The following SPON2 variants were observed in gnomAD, a reference collection of about 807,000 sequenced individuals.
SPON2 encodes the protein spondin-2.
SPON2 carries 32 observed loss-of-function variants against 29.9 expected under a neutral mutation model. The observed-to-expected ratio is 1.07, with a 90% CI of 0.81 to 1.44. SPON2 has a LOEUF of 1.44. SPON2 is among the 40% of genes most tolerant of loss of function. The pLI, the probability that SPON2 is intolerant of heterozygous loss-of-function variation, is 0.00. For synonymous variants in SPON2, 248 were observed against 209.1 expected (o/e 1.19, Z -1.61); for missense variants, 541 against 455.5 (o/e 1.19, Z -1.71).
chr4:1,188,198 GTC>G lies in SPON2; in HGVS notation c.-239+6790_-239+6791del, dbSNP rs201828894. On this transcript the variant is annotated intron_variant, in intron 1 of 3. Transcript: ENST00000502483. ...TGCCTGGGCAACAGAGCAAGACTCCGTCTCAAAAAAAAAAAAAAAAAAAAAAA... is the reference window on the plus strand; with the variant it reads ...TGCCTGGGCAACAGAGCAAGACTCCGTCAAAAAAAAAAAAAAAAAAAAAAA... Among the ~76,000 whole-genome samples the G allele has an allele frequency of 3.1e-3, 311 of 99,120 alleles. 2 individuals are homozygous for G. Among genetic ancestry groups the G allele is most frequent in the Non-Finnish European group, 4.6e-3 (250 of 54,888 alleles). 65.0% of individuals were successfully genotyped at this position (99,120 alleles called of 152,430 possible). A position where few individuals can be genotyped will look rare whatever the true frequency, so the allele number is the denominator to read the frequency against.
Position 1,171,296 on chromosome 4 carries a change from C to G in SPON2, c.411G>C (p.Ser137=). The G allele has an allele frequency of 6.3e-7, 1 of 1,584,542 alleles. No individual in the cohort carries two copies. Among genetic ancestry groups the G allele is most frequent in the Non-Finnish European group, 8.5e-7 (1 of 1,171,088 alleles). ...GCCTGCGCTGCACCTCCAGCTCCGC[C>G]GACGTCTGCCCGGTGCCGCTGGGGA... ...PAVPSGTGQT[S]AELEVQRRHS... Residue 137 remains serine, a synonymous_variant, in exon 3 of 6, where the codon TCG becomes TCC. Transcript: ENST00000290902.
upstream of SPON2, among the ~76,000 whole-genome samples, chr4:1,176,067 T>G (rs1160565064): frequency 1.3e-5 from 2 of 152,062 alleles, no homozygotes; most frequent in Middle Eastern, 3.2e-3. Flanking sequence ...ATTTTCTGGA[T>G]CCTGTGGCCC....
chr4:1,196,105 G>C (rs1311515263), upstream of SPON2, among the ~76,000 whole-genome samples: 2 of 152,166 alleles, frequency 1.3e-5, no homozygotes, highest in African/African-American at 4.8e-5. Flanking sequence ...CCCCCGACAG[G>C]CCCTCTGCCT....
At chr4:1,168,265 C>G (rs999763189) in intron 5 of SPON2, 10 of 152,278 alleles carry the variant, frequency 6.6e-5, no homozygotes, top group African/African-American at 2.4e-4. Context: ...CCAAGCCAGC[C>G]AGATGGACAG....
At chr4:1,169,338 G>A (rs1727346003) in intron 5 of SPON2, among the ~76,000 whole-genome samples, 1 of 152,080 alleles carries the variant, frequency 6.6e-6, no homozygotes, top group East Asian at 1.9e-4. Context: ...GGGCATCCGC[G>A]TGGACAAATG....
chr4:1,175,470 C>A (rs1233301714), upstream of SPON2, among the ~76,000 whole-genome samples: 2 of 152,174 alleles, frequency 1.3e-5, no homozygotes, highest in African/African-American at 4.8e-5. Flanking sequence ...GGCGGTGGGC[C>A]CAGGCTGGGG....
intron 1 of SPON2, among the ~76,000 whole-genome samples, chr4:1,193,124 C>G (rs1032731243): frequency 1.3e-5 from 2 of 152,238 alleles, no homozygotes; most frequent in Non-Finnish European, 2.9e-5. Flanking sequence ...ACGCCTCACA[C>G]ATGGGTGCAC....
intron 1 of SPON2, among the ~76,000 whole-genome samples, chr4:1,203,931 C>T (rs150907254): frequency 0.022 from 3,381 of 152,174 alleles, 116 homozygotes; most frequent in African/African-American, 0.078. Flanking sequence ...AGTGCAGTGG[C>T]GCGATCTCAG....
chr4:1,207,033 G>C (rs2108685780), intron 1 of SPON2, among the ~76,000 whole-genome samples: 1 of 151,554 alleles, frequency 6.6e-6, no homozygotes, highest in Middle Eastern at 3.4e-3. Context: ...GTGTGAGCAG[G>C]TGCAGGGCGG....
chr4:1,189,378 C>G (rs185078370), intron 1 of SPON2, among the ~76,000 whole-genome samples: 1 of 151,680 alleles, frequency 6.6e-6, no homozygotes, highest in African/African-American at 2.4e-5. Context: ...TAAAACAGAC[C>G]GGGTATGGTG....
intron 1 of SPON2, among the ~76,000 whole-genome samples, chr4:1,184,922 G>A (rs1727764072): frequency 1.5e-5 from 2 of 134,610 alleles, no homozygotes; most frequent in African/African-American, 5.3e-5. Context: ...GGGCGACAGT[G>A]CAAGACTCTG....
intron 1 of SPON2, among the ~76,000 whole-genome samples, chr4:1,200,488 CG>C (rs527618556): frequency 1.3e-5 from 2 of 151,762 alleles, no homozygotes; most frequent in African/African-American, 2.4e-5. Flanking sequence ...GGAGGCTCAG[CG>C]GGGGCGGGGG....
upstream of SPON2, among the ~76,000 whole-genome samples, chr4:1,175,779 G>A (rs536838695): frequency 3.5e-4 from 54 of 152,184 alleles, no homozygotes; most frequent in African/African-American, 1.3e-3. Flanking sequence ...GTAGGGCAGT[G>A]GTGGGCCTAG....
At chr4:1,170,923 G>C in intron 4 of SPON2, 76 bp downstream of exon 4, 1 of 1,518,954 alleles carries the variant, frequency 6.6e-7, no homozygotes, top group Non-Finnish European at 8.9e-7. Context: ...TGGGAGGCGA[G>C]GGTGCAGCCA....
At chr4:1,184,193 T>G (rs1727750701) in intron 1 of SPON2, among the ~76,000 whole-genome samples, 1 of 152,166 alleles carries the variant, frequency 6.6e-6, no homozygotes, top group Admixed American at 6.5e-5. Flanking sequence ...GGTTTCAAAC[T>G]CCTGAGCTCA....
chr4:1,174,575 TACC>T (rs1727556173), upstream of SPON2, among the ~76,000 whole-genome samples: 1 of 152,024 alleles, frequency 6.6e-6, no homozygotes, highest in Admixed American at 6.5e-5. Context: ...GTATGGGTTA[TACC>T]TATGGATACT....
intron 1 of SPON2, among the ~76,000 whole-genome samples, chr4:1,181,600 A>T (rs1197590163): frequency 2.6e-5 from 4 of 152,194 alleles, no homozygotes; most frequent in Non-Finnish European, 5.9e-5. Flanking sequence ...TCTGGAGTCT[A>T]TTGGATTGCA....
In SPON2 at chr4:1,202,805, C is replaced by T. The variant is rs4974570; in HGVS notation, c.-234+5075G>A. 0.047 allele frequency among the ~76,000 whole-genome samples: 7,118 copies of T among 152,286 alleles called. 476 individuals carry two copies. The highest frequency in any genetic ancestry group is 0.19 in the Admixed American group (2,841 of 15,296). ...TTGAAATCTGGGTGCAGGCCACCATCGCCTGCAGTGTCAGCGCCCCGTGGA... is the reference window on the plus strand; with the variant it reads ...TTGAAATCTGGGTGCAGGCCACCATTGCCTGCAGTGTCAGCGCCCCGTGGA... On this transcript the variant is annotated intron_variant, in intron 1 of 3. Coordinates refer to the SPON2 transcript ENST00000509233. The surrounding 1 kb of genome is among the most constrained non-coding windows in gnomAD (Gnocchi z 5.4).
At chr4:1,171,542 G>A in intron 2 of SPON2, 56 bp from the exon 3 acceptor site, 1 of 1,539,568 alleles carries the variant, frequency 6.5e-7, no homozygotes, top group Non-Finnish European at 8.9e-7. Context: ...GGTCGGGCTT[G>A]GATTCCAGGG....
Sources: allele counts gnomAD v4.1 joint callset (sites outside exome capture counted in the v4.1 genomes callset), GRCh38; gene constraint gnomAD v4.1.1; non-coding constraint Gnocchi (gnomAD v3.1); transcripts MANE v1.5; gene names NCBI Gene and HGNC (gene_info 2026-07-23, HGNC 2026-07-21).